The following KIFAP3 variants were observed in gnomAD, a reference collection of about 807,000 sequenced individuals.
KIFAP3 encodes the protein kinesin associated protein 3.
KIFAP3 carries 68 observed loss-of-function variants against 106.5 expected under a neutral mutation model. The observed-to-expected ratio is 0.64, with a 90% CI of 0.53 to 0.78. KIFAP3 has a LOEUF of 0.78. Ranked by LOEUF, KIFAP3 falls within the 30% of genes least tolerant of loss-of-function variation. The pLI, the probability that KIFAP3 is intolerant of heterozygous loss-of-function variation, is 0.00. For synonymous variants in KIFAP3, 320 were observed against 311.5 expected (o/e 1.03, Z -0.29); for missense variants, 780 against 941.8 (o/e 0.83, Z 2.25).
At position 170,003,059 on chromosome 1, in the gene KIFAP3, T is replaced by C. The variant is rs540872015; in HGVS notation, c.1184-10804A>G. Among the ~76,000 whole-genome samples the C allele has an allele frequency of 2.6e-5, 4 of 152,322 alleles. No homozygotes were observed. In the South Asian group the frequency reaches 8.3e-4, roughly 32 times the overall value. On this transcript the variant is annotated intron_variant, in intron 10 of 19. Coordinates refer to ENST00000361580, the MANE Select transcript of KIFAP3 (RefSeq NM_014970.4). ...CTATCTGTGGTGGTGAGCCAGGTTT[T>C]TTCATTTCTTCCCCTAACATTTTTA...
Position 169,981,896 on chromosome 1 carries a change from T to A in KIFAP3, c.1798+76A>T, listed in dbSNP as rs999007285. On this transcript the variant is annotated intron_variant, in intron 15 of 19. Transcript: ENST00000361580. ...GTAATGAGAAAAACAGATTACAGAC[T>A]CTGCATTTTATATTTAAATATTTAA... 10 of 1,214,216 alleles carry A rather than the reference T, an allele frequency of 8.2e-6. No individual in the cohort carries two copies. The African/African-American group carries it at 1.1e-4, about 13-fold the overall frequency. The allele number at this position is 1,214,216 out of a possible 1,614,324, so 75.2% of individuals were successfully genotyped here. A position where few individuals can be genotyped will look rare whatever the true frequency, so the allele number is the denominator to read the frequency against.
intron 10 of KIFAP3, among the ~76,000 whole-genome samples, chr1:170,007,602 G>T (rs1668032215): frequency 6.6e-6 from 1 of 152,078 alleles, no homozygotes; most frequent in Admixed American, 6.6e-5. Context: ...ACAAACCACT[G>T]CTCAACGAAA....
chr1:170,013,497 A>AT (rs1335437021), intron 10 of KIFAP3, among the ~76,000 whole-genome samples: 37 of 148,426 alleles, frequency 2.5e-4, no homozygotes, highest in Middle Eastern at 3.6e-3. Context: ...ATATATATAT[A>AT]AAATACATAT....
intron 1 of KIFAP3, among the ~76,000 whole-genome samples, chr1:170,065,545 C>T (rs1183201532): frequency 2.3e-5 from 3 of 132,338 alleles, no homozygotes; most frequent in South Asian, 2.6e-4. Flanking sequence ...ACCCGGGAGG[C>T]GGAGCTTGCA....
chr1:170,046,718 C>A lies in KIFAP3; in HGVS notation c.313G>T (p.Gly105Ter). 1 of 1,538,702 alleles carries A rather than the reference C, an allele frequency of 6.5e-7. No individual in the cohort carries two copies. The highest frequency in any genetic ancestry group is 8.8e-7 in the Non-Finnish European group (1 of 1,140,010). Residue 105 changes from glycine to a stop codon, truncating the protein, a stop_gained, in exon 3 of 20, where the codon GGA (glycine) becomes TGA (stop). Transcript: ENST00000361580. LOFTEE classifies it high-confidence loss of function. Reference protein sequence around the residue: ...YLQNRRDSLSGKEKKEKSSKP... With the variant: ...YLQNRRDSLS ...CAGGAATTCTACTACTTACCTTTTC[C>A]TGACAATGAATCACGGCGGTTCTGT...
At chr1:170,082,447 C>G (rs1330261126) in intron 1 of KIFAP3, among the ~76,000 whole-genome samples, 1 of 152,114 alleles carries the variant, frequency 6.6e-6, no homozygotes, top group Non-Finnish European at 1.5e-5. Context: ...AGACTGCAGC[C>G]AGGCTGGAGG....
intron 1 of KIFAP3, among the ~76,000 whole-genome samples, chr1:170,059,159 T>C (rs1671003034): frequency 6.6e-6 from 1 of 151,612 alleles, no homozygotes; most frequent in Non-Finnish European, 1.5e-5. Context: ...AGGCAAGAAA[T>C]AACTAAGATC....
intron 1 of KIFAP3, among the ~76,000 whole-genome samples, chr1:170,062,001 T>G (rs1671184845): frequency 6.6e-6 from 1 of 151,694 alleles, no homozygotes; most frequent in African/African-American, 2.4e-5. Flanking sequence ...CATCACACAC[T>G]GGGGCCTGTC....
At position 169,973,105 on chromosome 1, in the gene KIFAP3, G is replaced by GTGTATATATATATA. The variant is rs145406203; in HGVS notation, c.1898-508_1898-507insTATATATATATACA. On this transcript the variant is annotated intron_variant, in intron 16 of 19. Transcript: ENST00000361580. ...ATAAAAATAATTTAAAAAATAGTGT[G>GTGTATATATATATA]TATATATATATATATATAAACAACA... 7.5e-3 allele frequency among the ~76,000 whole-genome samples: 677 copies of GTGTATATATATATA among 90,228 alleles called. 70 individuals are homozygous for GTGTATATATATATA. The highest frequency in any genetic ancestry group is 0.031 in the South Asian group (67 of 2,140). The allele number at this position is 90,228 out of a possible 152,430, so 59.2% of individuals were successfully genotyped here.
Position 169,978,138 on chromosome 1 carries a change from A to G in KIFAP3, c.1844T>C (p.Phe615Ser), listed in dbSNP as rs777146466. ...GGCTTGGTGGAAAACCATCTGGTAG[A>G]AGACATAAATTATCTGACACACAAA... ...DEFVCQIIYV[F>S]YQMVFHQATR... Residue 615 changes from phenylalanine to serine, a missense_variant, in exon 16 of 20, where the codon TTC becomes TCC. Phe to Ser is a radical substitution (Grantham distance 155). Transcript: ENST00000361580. 3 of 1,612,824 alleles carry G rather than the reference A, an allele frequency of 1.9e-6. No homozygotes were observed. The highest frequency in any genetic ancestry group is 2.5e-6 in the Non-Finnish European group (3 of 1,179,172).
chr1:170,011,828 C>T (rs1203798028), intron 10 of KIFAP3, among the ~76,000 whole-genome samples: 1 of 152,058 alleles, frequency 6.6e-6, no homozygotes, highest in Non-Finnish European at 1.5e-5. Flanking sequence ...AGAAGTTTAG[C>T]TTACTGTGTT....
Position 169,921,764 on chromosome 1 carries a change from A to C in KIFAP3, c.2291T>G (p.Phe764Cys). The change falls in exon 20 of 20, where the codon TTT (phenylalanine) becomes TGT (cysteine). Residue 764 changes from phenylalanine to cysteine, a missense_variant. By Grantham distance (205) the Phe-to-Cys change is radical. This residue lies in a region of KIFAP3 where 114 missense variants were observed against 122.3 expected (regional missense o/e 0.93). Coordinates refer to ENST00000361580, the MANE Select transcript of KIFAP3 (RefSeq NM_014970.4). ...SFPGSLGMDG[F>C]GQPVGILGRP... is the part of the protein sequence containing the mutation. The stretch of plus-strand genomic sequence containing the variant: ...TCCAAGAATGCCAACTGGTTGGCCA[A>C]AGCCATCCATTCCAAGGCTAAAAAA... 6.2e-7 allele frequency: 1 copy of C among 1,613,690 alleles called. No homozygotes were observed. The highest frequency in any genetic ancestry group is 8.5e-7 in the Non-Finnish European group (1 of 1,179,636).
At chr1:169,985,728 C>CA (rs1435586233) in intron 11 of KIFAP3, among the ~76,000 whole-genome samples, 1 of 151,646 alleles carries the variant, frequency 6.6e-6, no homozygotes, top group Admixed American at 6.6e-5. Flanking sequence ...AGGCTAAATC[C>CA]AATCACTTGG....
intron 8 of KIFAP3, among the ~76,000 whole-genome samples, chr1:170,029,539 GTA>G (rs1261720497): frequency 6.6e-6 from 1 of 151,888 alleles, no homozygotes; most frequent in Non-Finnish European, 1.5e-5. Context: ...CTAAATATCT[GTA>G]TTTGAGAAGA....
chr1:169,957,884 C>T (rs1665111966), intron 18 of KIFAP3: 1 of 152,354 alleles, frequency 6.6e-6, no homozygotes, highest in Non-Finnish European at 1.5e-5. Context: ...GCCTTGGCCA[C>T]CCAAAGTGCT....
intron 16 of KIFAP3, among the ~76,000 whole-genome samples, chr1:169,973,218 T>A (rs1666028062): frequency 7.0e-6 from 1 of 142,152 alleles, no homozygotes. Context: ...TATATAAAAA[T>A]TAAGATAACA....
intron 3 of KIFAP3, among the ~76,000 whole-genome samples, chr1:170,043,324 T>C (rs552926849): frequency 6.6e-6 from 1 of 152,194 alleles, no homozygotes; most frequent in Non-Finnish European, 1.5e-5. Flanking sequence ...TGGTTATACA[T>C]GATCCAGAAA....
At chr1:170,084,543 A>C (rs1672073156) in intron 1 of KIFAP3, among the ~76,000 whole-genome samples, 1 of 152,220 alleles carries the variant, frequency 6.6e-6, no homozygotes, top group African/African-American at 2.4e-5. Context: ...CACAAAAGGG[A>C]ATAATCCACT....
chr1:169,927,429 CAT>C (rs990930712), intron 19 of KIFAP3, among the ~76,000 whole-genome samples: 1 of 152,174 alleles, frequency 6.6e-6, no homozygotes, highest in Admixed American at 6.5e-5. Context: ...ATATTAGAGA[CAT>C]GTACAAATTG....
Sources: allele counts gnomAD v4.1 joint callset (sites outside exome capture counted in the v4.1 genomes callset), GRCh38; gene constraint gnomAD v4.1.1; regional missense constraint gnomAD v4.1.1; transcripts MANE v1.5; gene names NCBI Gene and HGNC (gene_info 2026-07-23, HGNC 2026-07-21).